TTLL8: variants seen among roughly 807,000 people sequenced by gnomAD.
The protein encoded by TTLL8 is protein monoglycylase TTLL8.
In TTLL8, 65 loss-of-function variants were observed where a neutral mutation model predicts 77.8. That is an observed-to-expected ratio of 0.84 (90% CI 0.68 to 1.03). The LOEUF (loss-of-function observed/expected upper bound fraction) is 1.03. TTLL8 is among the 50% of genes least tolerant of loss of function. TTLL8 has a pLI of 0.00. For synonymous variants in TTLL8, 402 were observed against 422.8 expected (o/e 0.95, Z 0.60); for missense variants, 910 against 1,004.5 (o/e 0.91, Z 1.27).
At chr22:50,020,800 A>C (rs71316574) in intron 12 of TTLL8, among the ~76,000 whole-genome samples, 1 of 126,488 alleles carries the variant, frequency 7.9e-6, no homozygotes, top group Non-Finnish European at 1.6e-5. Flanking sequence ...GCCATCTGAC[A>C]ACATGCACTC....
At chr22:50,047,124 C>T (rs953196986) in intron 4 of TTLL8, 44 bp downstream of exon 6, 2 of 1,362,508 alleles carry the variant, frequency 1.5e-6, no homozygotes, top group African/African-American at 3.0e-5. Flanking sequence ...CTCCTCCCCA[C>T]CACCCTTGCC....
rs778906941 is a variant in TTLL8 at position 50,034,338 on chromosome 22, T to C, written c.1039+7A>G. On this transcript the variant is annotated splice_region_variant and intron_variant, in intron 9 of 13. Coordinates refer to ENST00000266182, the Ensembl canonical transcript of TTLL8. The surrounding 1 kb of genome is among the most constrained non-coding windows in gnomAD (Gnocchi z 4.1). ...GGCTATGAACGCGGTGCAGGGAGCA[T>C]CCGCACCAGGGGACTCACCTCGGCC... 1 of 1,363,898 alleles carries C rather than the reference T, an allele frequency of 7.3e-7. No individual in the cohort carries two copies. The allele number at this position is 1,363,898 out of a possible 1,614,324, so 84.5% of individuals were successfully genotyped here. A position where few individuals can be genotyped will look rare whatever the true frequency, so the allele number is the denominator to read the frequency against.
chr22:50,056,825 A>G (rs138646088), upstream of TTLL8: 1,097 of 1,289,442 alleles, frequency 8.5e-4, 21 homozygotes, highest in East Asian at 0.04. This position sits in a 1 kb window ranked among gnomAD's most constrained non-coding sequence, Gnocchi z 4.1. Flanking sequence ...AGCCCGGGCC[A>G]CTCTGGGCGA....
intron 12 of TTLL8, among the ~76,000 whole-genome samples, chr22:50,023,054 G>A (rs764882155): frequency 4.0e-5 from 6 of 151,324 alleles, no homozygotes; most frequent in Middle Eastern, 3.4e-3. Context: ...TTACCAACAC[G>A]TCAGGACACA....
At chr22:50,047,489 G>A (rs1343134449) in intron 3 of TTLL8, among the ~76,000 whole-genome samples, 193 bp from the exon 6 acceptor site, 3 of 152,172 alleles carry the variant, frequency 2.0e-5, no homozygotes, top group African/African-American at 4.8e-5. Flanking sequence ...GACCACATAC[G>A]GTTTCCACAG....
intron 12 of TTLL8, among the ~76,000 whole-genome samples, chr22:50,025,500 A>G (rs2061225845): frequency 1.3e-5 from 2 of 152,184 alleles, no homozygotes; most frequent in African/African-American, 2.4e-5. Context: ...TTAGCTGGGC[A>G]TGGTGGTGCG....
chr22:50,052,532 G>A (rs774160159), intron 1 of TTLL8, among the ~76,000 whole-genome samples: 48 of 152,094 alleles, frequency 3.2e-4, no homozygotes, highest in African/African-American at 8.9e-4. Context: ...ATACATCAAC[G>A]GTTTAATTAT....
upstream of TTLL8, among the ~76,000 whole-genome samples, chr22:50,056,170 G>A (rs1016945398): frequency 2.6e-5 from 4 of 152,182 alleles, no homozygotes; most frequent in Non-Finnish European, 4.4e-5. This position sits in a 1 kb window ranked among gnomAD's most constrained non-coding sequence, Gnocchi z 4.1. Context: ...ACATCCATCT[G>A]ACAAAGAGCA....
At position 50,044,727 on chromosome 22, in the gene TTLL8, C is replaced by T. The variant is rs566845041; in HGVS notation, c.643+528G>A. 3.3e-5 allele frequency among the ~76,000 whole-genome samples: 5 copies of T among 152,274 alleles called. No homozygotes were observed. Among genetic ancestry groups the T allele is most frequent in the South Asian group, 2.1e-4 (1 of 4,828 alleles). ...CAGGAGAGTGTGGTAAATCTTGTACCCTCTGCTCAGCTGTGCTGTGAACCT... is the reference window on the plus strand; with the variant it reads ...CAGGAGAGTGTGGTAAATCTTGTACTCTCTGCTCAGCTGTGCTGTGAACCT... On this transcript the variant is annotated intron_variant, in intron 6 of 13. Coordinates refer to ENST00000266182, the Ensembl canonical transcript of TTLL8. This position sits in a 1 kb window ranked among gnomAD's most constrained non-coding sequence, Gnocchi z 4.2.
intron 12 of TTLL8, among the ~76,000 whole-genome samples, chr22:50,024,810 T>C (rs2061222478): frequency 6.6e-6 from 1 of 152,210 alleles, no homozygotes; most frequent in Non-Finnish European, 1.5e-5. Context: ...GATGGGTGAA[T>C]GATGGTGTGG....
chr22:50,038,284 T>A (rs2061349220), intron 8 of TTLL8, among the ~76,000 whole-genome samples: 1 of 152,068 alleles, frequency 6.6e-6, no homozygotes, highest in African/African-American at 2.4e-5. Context: ...AAATATTAAA[T>A]TTTTTATATG....
Position 50,050,172 on chromosome 22 carries a change from T to A in TTLL8, c.127A>T (p.Lys43Ter). 1 of 1,366,366 alleles carries A rather than the reference T, an allele frequency of 7.3e-7. No individual in the cohort carries two copies. The highest frequency in any genetic ancestry group is 9.8e-7 in the Non-Finnish European group (1 of 1,021,474). The allele number at this position is 1,366,366 out of a possible 1,614,324, so 84.6% of individuals were successfully genotyped here. ...ACCTTGGGCAAAAAGTGGAACTTCT[T>A]CTCTACCCAGCCCTTCCTTCGCAGA... The change falls in exon 2 of 14, where the codon AAG becomes TAG. Residue 43 changes from lysine to a stop codon, truncating the protein, a stop_gained. Transcript: ENST00000266182. LOFTEE classifies it high-confidence loss of function.
intron 3 of TTLL8, among the ~76,000 whole-genome samples, chr22:50,047,991 G>A (rs192064624): frequency 1.7e-3 from 253 of 152,196 alleles, no homozygotes; most frequent in African/African-American, 5.9e-3. Flanking sequence ...CAACTACTCC[G>A]GAGGCTGAGG....
At chr22:50,057,303 GT>G (rs2061477654), upstream of TTLL8, among the ~76,000 whole-genome samples, 1 of 131,618 alleles carries the variant, frequency 7.6e-6, no homozygotes, top group African/African-American at 3.2e-5. Flanking sequence ...GGGTTTGGGG[GT>G]CAGGACTGGG....
chr22:50,050,061 G>A (rs1054146229), intron 2 of TTLL8, 48 bp downstream of exon 4: 13 of 1,351,598 alleles, frequency 9.6e-6, no homozygotes, highest in African/African-American at 3.0e-5. Context: ...TCCTGCCCGT[G>A]ACAGACGCAC....
chr22:50,032,146 T>C (rs1281981124), intron 10 of TTLL8, 37 bp from the exon 12 acceptor site: 1 of 1,324,980 alleles, frequency 7.5e-7, no homozygotes, highest in Non-Finnish European at 1.0e-6. Context: ...TCAGCCTCCC[T>C]TGGCCCAGGA....
chr22:50,031,008 C>T, intron 11 of TTLL8, 83 bp from the exon 13 acceptor site: 1 of 1,185,660 alleles, frequency 8.4e-7, no homozygotes, highest in Non-Finnish European at 1.1e-6. Context: ...GCAGGAGGGG[C>T]TGGTCGGGGC....
chr22:50,029,607 T>C (rs1197916348), intron 12 of TTLL8, among the ~76,000 whole-genome samples: 2 of 152,056 alleles, frequency 1.3e-5, no homozygotes, highest in Non-Finnish European at 2.9e-5. Context: ...GGCGGGCGCC[T>C]GTGGTCCCAG....
chr22:50,024,935 G>A (rs1332197329), intron 12 of TTLL8, among the ~76,000 whole-genome samples: 2 of 152,200 alleles, frequency 1.3e-5, no homozygotes, highest in African/African-American at 4.8e-5. Flanking sequence ...AATTTTTGGA[G>A]CAGGTGCCAG....
Sources: gnomAD v4.1 joint callset for allele counts (sites outside exome capture counted in the v4.1 genomes callset) on GRCh38, gnomAD v4.1.1 for gene constraint, Gnocchi (gnomAD v3.1) non-coding constraint, MANE v1.5 for transcripts, NCBI Gene and HGNC (gene_info 2026-07-23, HGNC 2026-07-21) for gene names.